The following ADAMTSL1 variants were observed in gnomAD, a reference collection of about 807,000 sequenced individuals.
ADAMTSL1 encodes the protein ADAMTS-like protein 1.
In ADAMTSL1, 126 loss-of-function variants were observed where a neutral mutation model predicts 201.8. The ratio of observed to expected loss-of-function variants is 0.62; its 90% CI spans 0.54 to 0.72. The LOEUF is 0.72. Among genes scored for constraint, ADAMTSL1 ranks in the 30% least tolerant of loss-of-function variants. The pLI, the probability that ADAMTSL1 is intolerant of heterozygous loss-of-function variation, is 0.00. For missense variants in ADAMTSL1, 2,679 were observed against 2,277.8 expected (o/e 1.18, Z -3.59); for synonymous variants, 1,121 against 903.4 (o/e 1.24, Z -4.32).
chr9:17,913,036 T>C (rs1825952090), intron 1 of ADAMTSL1, among the ~76,000 whole-genome samples: 1 of 152,168 alleles, frequency 6.6e-6, no homozygotes, highest in African/African-American at 2.4e-5. Flanking sequence ...TTCTGTTCTG[T>C]TCTGTTTCAT....
intron 19 of ADAMTSL1, among the ~76,000 whole-genome samples, chr9:18,789,344 T>C (rs191931513): frequency 6.6e-6 from 1 of 152,184 alleles, no homozygotes; most frequent in African/African-American, 2.4e-5. Flanking sequence ...ATTTTATAAA[T>C]GAGGAAACTG....
rs1399119061 is a variant in ADAMTSL1 at position 18,658,117 on chromosome 9, G to GGCGCCCGCCACC, written c.946+368_946+379dup. On this transcript the variant is annotated intron_variant, in intron 8 of 28. Transcript: ENST00000380548. ...AGCCTCCTGAGTAGCTGGGACTGCA[G>GGCGCCCGCCACC]GCGCCCGCCACCACGCCCGGCTAAT... is the stretch of plus-strand genomic sequence containing the variant. Among the ~76,000 whole-genome samples, 4 of 152,126 alleles carry GGCGCCCGCCACC rather than the reference G, an allele frequency of 2.6e-5. No individual in the cohort carries two copies. In the East Asian group the frequency reaches 5.8e-4, roughly 22 times the overall value.
intron 7 of ADAMTSL1, among the ~76,000 whole-genome samples, chr9:18,650,251 A>G (rs1828145732): frequency 1.3e-5 from 2 of 152,208 alleles, no homozygotes; most frequent in Admixed American, 1.3e-4. Context: ...GGAAAAGTGC[A>G]GTGTTTGGGT....
chr9:18,753,441 C>A lies in ADAMTSL1; in HGVS notation c.2150C>A (p.Pro717His), dbSNP rs1424190642. 1 of 1,613,598 alleles carries A rather than the reference C, an allele frequency of 6.2e-7. No individual in the cohort carries two copies. Among genetic ancestry groups the A allele is most frequent in the Non-Finnish European group, 8.5e-7 (1 of 1,179,818 alleles). Residue 717 changes from proline (P) to histidine (H), a missense_variant, in exon 16 of 29, where the codon CCC (proline) becomes CAC (histidine). Transcript: ENST00000380548. ...LADELCRQPK[P>H]STVQACNRFN... is the part of the protein sequence containing the mutation. Reference sequence around the variant, plus strand: ...GATGAGCTGTGTCGCCAGCCCAAGCCCAGCACGGTGCAAGCTTGTAACCGC... The same window carrying A: ...GATGAGCTGTGTCGCCAGCCCAAGCACAGCACGGTGCAAGCTTGTAACCGC...
chr9:18,762,019 C>A (rs1033958227), intron 16 of ADAMTSL1, among the ~76,000 whole-genome samples: 2 of 152,236 alleles, frequency 1.3e-5, no homozygotes, highest in African/African-American at 4.8e-5. Context: ...AGCCCATCAG[C>A]TGGATGCCTG....
chr9:18,340,462 C>G (rs140527840), intron 2 of ADAMTSL1, among the ~76,000 whole-genome samples: 48 of 152,210 alleles, frequency 3.2e-4, no homozygotes, highest in African/African-American at 1.2e-3. Context: ...CCAAACTGAG[C>G]TCATAATCTT....
intron 2 of ADAMTSL1, among the ~76,000 whole-genome samples, chr9:18,207,583 GAAGAT>G (rs1829705241): frequency 6.6e-6 from 1 of 152,110 alleles, no homozygotes; most frequent in African/African-American, 2.4e-5. Context: ...TCCTACAATA[GAAGAT>G]AAGAAGTTAA....
At chr9:18,199,895 T>G (rs1829362860) in intron 2 of ADAMTSL1, among the ~76,000 whole-genome samples, 1 of 152,086 alleles carries the variant, frequency 6.6e-6, no homozygotes, top group Non-Finnish European at 1.5e-5. Context: ...TGCTAAATTT[T>G]TTTTCCTGTT....
chr9:18,794,630 T>A (rs1389894246), intron 19 of ADAMTSL1, among the ~76,000 whole-genome samples: 1 of 141,934 alleles, frequency 7.0e-6, no homozygotes, highest in Non-Finnish European at 1.6e-5. Flanking sequence ...TTTGTTGTTT[T>A]TTTTTGTTGT....
In ADAMTSL1 at chr9:18,636,006, C is replaced by G. The variant is rs1221588633; in HGVS notation, c.665C>G (p.Pro222Arg). The G allele has an allele frequency of 2.5e-6, 4 of 1,596,320 alleles. No homozygotes were observed. In the African/African-American group the frequency reaches 5.4e-5, roughly 22 times the overall value. Residue 222 changes from proline to arginine, a missense_variant, in exon 6 of 29, where the codon CCT (proline) becomes CGT (arginine). Physicochemically the swap from Pro to Arg is moderately radical, Grantham distance 103 (BLOSUM62 -2). Transcript: ENST00000380548. ...SRHIRLVLKG[P>R]DHLYLETKTL... Reference sequence around the variant, plus strand: ...CATATTCGCCTTGTCTTAAAAGGTCCTGATCACTTATGTAAGTAACTCCAT... The same window carrying G: ...CATATTCGCCTTGTCTTAAAAGGTCGTGATCACTTATGTAAGTAACTCCAT...
intron 2 of ADAMTSL1, among the ~76,000 whole-genome samples, chr9:18,269,944 G>C (rs1832292950): frequency 1.3e-5 from 2 of 151,712 alleles, no homozygotes; most frequent in South Asian, 4.1e-4. Context: ...AAATCTCAGG[G>C]ACCAGGTCTT....
intron 4 of ADAMTSL1, among the ~76,000 whole-genome samples, chr9:18,584,148 C>G (rs1823307788): frequency 6.6e-6 from 1 of 152,102 alleles, no homozygotes; most frequent in Non-Finnish European, 1.5e-5. Flanking sequence ...CCTAATCTTA[C>G]CTTGAATTGT....
intron 15 of ADAMTSL1, among the ~76,000 whole-genome samples, chr9:18,740,745 A>G (rs1265509523): frequency 2.0e-5 from 3 of 152,028 alleles, no homozygotes; most frequent in African/African-American, 4.8e-5. Context: ...CCAAATTGCT[A>G]GTATTACAGG....
chr9:18,046,002 G>A (rs1821644313), intron 1 of ADAMTSL1, among the ~76,000 whole-genome samples: 1 of 152,170 alleles, frequency 6.6e-6, no homozygotes, highest in African/African-American at 2.4e-5. Context: ...GTTTCTCTGG[G>A]AGGAAGGAAT....
In ADAMTSL1 at chr9:18,597,655, A is replaced by C. The variant is rs1824357682; in HGVS notation, c.474+23389A>C. 2.6e-5 allele frequency among the ~76,000 whole-genome samples: 4 copies of C among 152,152 alleles called. No homozygotes were observed. In the South Asian group the frequency reaches 8.3e-4, roughly 31 times the overall value. ...TGTTAAAAATCAAATTCAAATGTGA[A>C]AGACAATTAGTAATTATACATGGGC... is the stretch of plus-strand genomic sequence containing the variant. On this transcript the variant is annotated intron_variant, in intron 4 of 28. Coordinates refer to ENST00000380548, the MANE Select transcript of ADAMTSL1 (RefSeq NM_001040272.6).
intron 7 of ADAMTSL1, among the ~76,000 whole-genome samples, chr9:18,642,517 G>T (rs1209787675): frequency 6.6e-6 from 1 of 151,896 alleles, no homozygotes; most frequent in East Asian, 1.9e-4. Context: ...GTTGTAGGTA[G>T]ATCTCCTGAA....
intron 1 of ADAMTSL1, among the ~76,000 whole-genome samples, chr9:18,489,217 A>G (rs959525494): frequency 6.6e-6 from 1 of 152,204 alleles, no homozygotes; most frequent in Non-Finnish European, 1.5e-5. Flanking sequence ...GTTAGTGGAT[A>G]TATCTCTTAT....
intron 1 of ADAMTSL1, among the ~76,000 whole-genome samples, chr9:17,988,231 G>T (rs1819004950): frequency 6.6e-6 from 1 of 151,990 alleles, no homozygotes; most frequent in Non-Finnish European, 1.5e-5. Context: ...AAGAAATATT[G>T]ACTAAATTGG....
chr9:18,327,337 C>T (rs895361723), intron 2 of ADAMTSL1, among the ~76,000 whole-genome samples: 2 of 152,204 alleles, frequency 1.3e-5, no homozygotes, highest in Non-Finnish European at 2.9e-5. Context: ...AAGGAATGAA[C>T]TGAGGAGACG....
Sources: gnomAD v4.1 joint callset for allele counts (sites outside exome capture counted in the v4.1 genomes callset) on GRCh38, gnomAD v4.1.1 for gene constraint, MANE v1.5 for transcripts, NCBI Gene and HGNC (gene_info 2026-07-23, HGNC 2026-07-21) for gene names.